Variants in APBA1 observed in about 807,000 individuals in gnomAD.
The protein encoded by APBA1 is amyloid-beta A4 precursor protein-binding family A member 1.
Under a neutral mutation model 86.6 loss-of-function variants are expected in APBA1, and 55 were observed. That is an observed-to-expected ratio of 0.64 (90% confidence interval 0.51 to 0.80). APBA1 has a LOEUF of 0.80. APBA1 is among the 30% of genes least tolerant of loss of function. APBA1 has a pLI of 0.00. For missense variants in APBA1, 1,090 were observed against 1,183.0 expected (o/e 0.92, Z 1.15); for synonymous variants, 511 against 493.9 (o/e 1.03, Z -0.46).
intron 1 of APBA1, among the ~76,000 whole-genome samples, chr9:69,668,575 A>C (rs2134033128): frequency 6.6e-6 from 1 of 152,242 alleles, no homozygotes; most frequent in Non-Finnish European, 1.5e-5. Context: ...CACAGTTCTG[A>C]TACTGTCAAT....
chr9:69,576,410 T>G (rs949307245), intron 1 of APBA1, among the ~76,000 whole-genome samples: 5 of 152,236 alleles, frequency 3.3e-5, no homozygotes, highest in Non-Finnish European at 7.3e-5. Flanking sequence ...TGCACACTTA[T>G]GTTTATTGCG....
At chr9:69,581,123 T>C (rs1365158963) in intron 1 of APBA1, among the ~76,000 whole-genome samples, 1 of 152,162 alleles carries the variant, frequency 6.6e-6, no homozygotes, top group African/African-American at 2.4e-5. Context: ...GCATTGTAAT[T>C]TACTGGTACA....
intron 1 of APBA1, among the ~76,000 whole-genome samples, chr9:69,669,204 T>G (rs1364034798): frequency 2.6e-5 from 4 of 152,238 alleles, no homozygotes; most frequent in Non-Finnish European, 2.9e-5. Context: ...ATTTTACGGC[T>G]TGAAATTCTC....
At chr9:69,602,583 G>T (rs1822374972) in intron 1 of APBA1, among the ~76,000 whole-genome samples, 1 of 151,348 alleles carries the variant, frequency 6.6e-6, no homozygotes, top group South Asian at 2.1e-4. Flanking sequence ...TAAAAAAAAA[G>T]AAGAAGAAGA....
intron 10 of APBA1, among the ~76,000 whole-genome samples, chr9:69,444,198 G>T (rs1977552): frequency 0.29 from 43,407 of 152,098 alleles, 6,449 homozygotes; most frequent in East Asian, 0.45. Flanking sequence ...CATTCATGTG[G>T]CATCTCCTGG....
At chr9:69,471,150 A>G (rs1835360378) in intron 4 of APBA1, among the ~76,000 whole-genome samples, 1 of 152,174 alleles carries the variant, frequency 6.6e-6, no homozygotes, top group Admixed American at 6.5e-5. Flanking sequence ...TCAATTAGTT[A>G]TTACATGGGA....
At chr9:69,629,005 ATT>A (rs1392492923) in intron 1 of APBA1, among the ~76,000 whole-genome samples, 7 of 152,172 alleles carry the variant, frequency 4.6e-5, no homozygotes, top group Non-Finnish European at 1.0e-4. Context: ...GCTTTTAACG[ATT>A]TCTTCATATC....
At chr9:69,441,968 T>C (rs1364139010) in intron 10 of APBA1, among the ~76,000 whole-genome samples, 1 of 152,158 alleles carries the variant, frequency 6.6e-6, no homozygotes, top group Non-Finnish European at 1.5e-5. Context: ...CTCACAGCAG[T>C]GACAGAAGCC....
chr9:69,587,897 G>C (rs1039958999), intron 1 of APBA1, among the ~76,000 whole-genome samples: 1 of 151,898 alleles, frequency 6.6e-6, no homozygotes, highest in African/African-American at 2.4e-5. Context: ...ATGGTGTTGG[G>C]TGCCTGTAAT....
intron 1 of APBA1, among the ~76,000 whole-genome samples, chr9:69,562,496 T>C (rs1836962199): frequency 6.6e-6 from 1 of 152,036 alleles, no homozygotes; most frequent in South Asian, 2.1e-4. Flanking sequence ...TGCCTCAGCC[T>C]CCCCAGTAGC....
At chr9:69,435,671 A>G (rs1260516603) in intron 11 of APBA1, among the ~76,000 whole-genome samples, 1 of 152,032 alleles carries the variant, frequency 6.6e-6, no homozygotes, top group Non-Finnish European at 1.5e-5. Context: ...GTTTGAGTTC[A>G]TTGTAGATTC....
intron 1 of APBA1, among the ~76,000 whole-genome samples, chr9:69,582,322 CCAAA>C (rs1821928197): frequency 6.6e-6 from 1 of 152,108 alleles, no homozygotes; most frequent in African/African-American, 2.4e-5. Flanking sequence ...CTCCAGGAGT[CCAAA>C]CAAAGAAGTG....
intron 4 of APBA1, among the ~76,000 whole-genome samples, chr9:69,470,439 T>C (rs1835349145): frequency 6.6e-6 from 1 of 152,122 alleles, no homozygotes. Context: ...TCCCTAGGCC[T>C]GGGGGATGAA....
chr9:69,513,273 A>G (rs1431596700), intron 2 of APBA1, among the ~76,000 whole-genome samples: 1 of 152,230 alleles, frequency 6.6e-6, no homozygotes, highest in African/African-American at 2.4e-5. Context: ...TCCTAGTTCA[A>G]ATGAATAAAA....
rs180995825 is a variant in APBA1 at position 69,656,486 on chromosome 9, C to G, written c.-70+15667G>C. 2.6e-3 allele frequency among the ~76,000 whole-genome samples: 389 copies of G among 152,270 alleles called. 2 individuals are homozygous for G. Among genetic ancestry groups the G allele is most frequent in the Non-Finnish European group, 4.3e-3 (295 of 68,018 alleles). On this transcript the variant is annotated intron_variant, in intron 1 of 12. Coordinates refer to ENST00000265381, the MANE Select transcript of APBA1 (RefSeq NM_001163.4). ...GCAAAAGGCTACATACTATATGATT[C>G]CACGCAGATGAAGTTAAGAACAGGC... is the stretch of plus-strand genomic sequence containing the variant.
At chr9:69,570,407 A>G (rs1433995641) in intron 1 of APBA1, among the ~76,000 whole-genome samples, 1 of 152,212 alleles carries the variant, frequency 6.6e-6, no homozygotes, top group African/African-American at 2.4e-5. Flanking sequence ...TTGGATCCTC[A>G]TGATCATATA....
At chr9:69,636,737 A>G (rs934653716) in intron 1 of APBA1, among the ~76,000 whole-genome samples, 2 of 148,006 alleles carry the variant, frequency 1.4e-5, no homozygotes, top group African/African-American at 5.0e-5. Context: ...TGAGGCTGCA[A>G]TGAGCCATGA....
chr9:69,436,597 A>C (rs1834726996), intron 11 of APBA1, among the ~76,000 whole-genome samples: 1 of 142,648 alleles, frequency 7.0e-6, no homozygotes, highest in African/African-American at 2.7e-5. Flanking sequence ...GGTGTATAAG[A>C]ATGCTTGTGA....
At chr9:69,441,962 C>T (rs543641354) in intron 10 of APBA1, among the ~76,000 whole-genome samples, 41 of 152,342 alleles carry the variant, frequency 2.7e-4, no homozygotes, top group African/African-American at 9.9e-4. Flanking sequence ...ATCAGACTCA[C>T]AGCAGTGACA....
Sources: gnomAD v4.1 joint callset for allele counts (sites outside exome capture counted in the v4.1 genomes callset) on GRCh38, gnomAD v4.1.1 for gene constraint, MANE v1.5 for transcripts, NCBI Gene and HGNC (gene_info 2026-07-23, HGNC 2026-07-21) for gene names.